The following SUFU variants were observed in gnomAD, a reference collection of about 807,000 sequenced individuals.
SUFU encodes SUFU negative regulator of hedgehog signaling.
SUFU carries 7 observed loss-of-function variants against 58.9 expected under a neutral mutation model. The observed-to-expected ratio is 0.12, with a 90% confidence interval of 0.07 to 0.22. SUFU has a LOEUF of 0.22. Among genes scored for constraint, SUFU ranks in the 10% least tolerant of loss-of-function variants. The pLI, the probability that SUFU is intolerant of heterozygous loss-of-function variation, is 1.00. For synonymous variants in SUFU, 232 were observed against 254.8 expected (o/e 0.91, Z 0.85); for missense variants, 451 against 641.3 (o/e 0.70, Z 3.20).
upstream of SUFU, among the ~76,000 whole-genome samples, chr10:102,503,262 T>A (rs1214709389): frequency 6.6e-6 from 1 of 152,232 alleles, no homozygotes; most frequent in African/African-American, 2.4e-5. Context: ...GCTTTAAGTT[T>A]AAAAACCTGT....
chr10:102,613,181 G>C (rs933031732), intron 8 of SUFU, among the ~76,000 whole-genome samples: 19 of 152,254 alleles, frequency 1.2e-4, no homozygotes, highest in African/African-American at 4.6e-4. Flanking sequence ...GAAAGAGGGA[G>C]ATTAAACAAC....
At chr10:102,604,762 G>A (rs1034319189) in intron 8 of SUFU, among the ~76,000 whole-genome samples, 18 of 151,998 alleles carry the variant, frequency 1.2e-4, no homozygotes, top group African/African-American at 3.9e-4. Context: ...TGGGGATGGC[G>A]GCCCCTGGTG....
Position 102,594,071 on chromosome 10 carries a change from T to G in SUFU, c.756+6T>G. ...AGATCGATCCACACCTGCAAGTATGTCTTGAGTGAGGAAAACCTTTCTAGC... is the reference window on the plus strand; with the variant it reads ...AGATCGATCCACACCTGCAAGTATGGCTTGAGTGAGGAAAACCTTTCTAGC... On this transcript the variant is annotated splice_donor_region_variant and intron_variant, in intron 6 of 11. Coordinates refer to ENST00000369902, the MANE Select transcript of SUFU (RefSeq NM_016169.4). 5 of 1,613,936 alleles carry G rather than the reference T, an allele frequency of 3.1e-6. No individual in the cohort carries two copies. In the South Asian group the frequency reaches 5.5e-5, roughly 18 times the overall value.
Position 102,629,372 on chromosome 10 carries a change from G to T in SUFU, c.1366-694G>T, listed in dbSNP as rs770885061. Among the ~76,000 whole-genome samples the T allele has an allele frequency of 6.6e-6, 1 of 152,226 alleles. No individual in the cohort carries two copies. Among genetic ancestry groups the T allele is most frequent in the Admixed American group, 6.5e-5 (1 of 15,290 alleles). On this transcript the variant is annotated intron_variant, in intron 11 of 11. Transcript: ENST00000369902. The surrounding 1 kb of genome is among the most constrained non-coding windows in gnomAD (Gnocchi z 4.7). ...GCAAATCAGTGTATCCTGGGATGGGGTGGGAGACATTTGGCTCTCCTTGGC... is the reference window on the plus strand; with the variant it reads ...GCAAATCAGTGTATCCTGGGATGGGTTGGGAGACATTTGGCTCTCCTTGGC...
intron 10 of SUFU, among the ~76,000 whole-genome samples, chr10:102,626,261 G>A (rs1353058132): frequency 6.6e-6 from 1 of 152,196 alleles, no homozygotes; most frequent in African/African-American, 2.4e-5. Context: ...CTGCCTAGCA[G>A]CCTGACGAGA....
At chr10:102,597,926 T>C (rs975867082) in intron 7 of SUFU, among the ~76,000 whole-genome samples, 1 of 152,234 alleles carries the variant, frequency 6.6e-6, no homozygotes, top group African/African-American at 2.4e-5. Flanking sequence ...TGGTTTTTAG[T>C]AGAGGGCGTC....
intron 3 of SUFU, among the ~76,000 whole-genome samples, chr10:102,580,027 G>GCCCC (rs1378925159): frequency 0.011 from 460 of 41,636 alleles, 3 homozygotes; most frequent in African/African-American, 0.022. Flanking sequence ...CTCCTCCCCC[G>GCCCC]CACCCCCCCC....
intron 3 of SUFU, among the ~76,000 whole-genome samples, chr10:102,564,437 G>A (rs1214913142): frequency 1.3e-5 from 2 of 151,992 alleles, no homozygotes; most frequent in Admixed American, 6.6e-5. Flanking sequence ...GGTTCATACT[G>A]TTCTCATGCC....
chr10:102,560,652 A>G (rs2063028248), intron 3 of SUFU, among the ~76,000 whole-genome samples: 1 of 152,206 alleles, frequency 6.6e-6, no homozygotes, highest in South Asian at 2.1e-4. Context: ...TTTTTAACTT[A>G]CTATCATTTG....
chr10:102,607,374 G>A (rs908196528), intron 8 of SUFU, among the ~76,000 whole-genome samples: 45 of 152,284 alleles, frequency 3.0e-4, no homozygotes, highest in African/African-American at 1.1e-3. Context: ...GATTTAATTG[G>A]TGATAAGCAC....
rs2062292973 is a variant in SUFU at position 102,504,291 on chromosome 10, G to A, written c.139G>A (p.Asp47Asn). ...IYGECRRLYP[D>N]QPNPLQVTAI... ...CGGAGAGTGCCGCCGCCTTTACCCTGACCAGCCGAACCCGCTCCAGGTTAC... is the reference window on the plus strand; with the variant it reads ...CGGAGAGTGCCGCCGCCTTTACCCTAACCAGCCGAACCCGCTCCAGGTTAC... Residue 47 changes from aspartate (D) to asparagine (N), a missense_variant, in exon 1 of 12, where the codon GAC (aspartate) becomes AAC (asparagine). Asp to Asn is a conservative substitution (Grantham distance 23, BLOSUM62 1). Transcript: ENST00000369902. The A allele has an allele frequency of 1.2e-6, 2 of 1,614,028 alleles. No individual in the cohort carries two copies. The highest frequency in any genetic ancestry group is 1.1e-5 in the South Asian group (1 of 91,086).
At chr10:102,549,890 G>A (rs1314217478) in intron 2 of SUFU, 80 bp from the exon 3 acceptor site, 7 of 1,579,460 alleles carry the variant, frequency 4.4e-6, no homozygotes, top group African/African-American at 2.7e-5. Context: ...ACCATAAAAA[G>A]GGGGAGAACT....
Position 102,632,669 on chromosome 10 carries a change from G to C in SUFU, c.*2514G>C, listed in dbSNP as rs1312586228. On this transcript the variant is annotated 3_prime_UTR_variant, in exon 12 of 12. Transcript: ENST00000369902. ...CTGAGGGAGCCCCTGACCTTGTAGT[G>C]GGTGGAGGAGGTAAGGGGCCTCCCT... 4.3e-6 allele frequency: 1 copy of C among 233,198 alleles called. No homozygotes were observed. The highest frequency in any genetic ancestry group is 5.6e-5 in the Admixed American group (1 of 17,788). The allele number at this position is 233,198 out of a possible 1,614,324, so 14.4% of individuals were successfully genotyped here.
Position 102,617,977 on chromosome 10 carries a change from G to T in SUFU, c.1296+549G>T. The T allele has an allele frequency of 5.7e-6, 1 of 175,382 alleles. No homozygotes were observed. Among genetic ancestry groups the T allele is most frequent in the Non-Finnish European group, 1.2e-5 (1 of 82,524 alleles). 10.9% of individuals were successfully genotyped at this position (175,382 alleles called of 1,614,324 possible). On this transcript the variant is annotated intron_variant, in intron 10 of 11. Transcript: ENST00000369902. This position sits in a 1 kb window ranked among gnomAD's most constrained non-coding sequence, Gnocchi z 4.4. ...TGACCAGAGACCTGCTGGCTTATCC[G>T]GAGCACTTTGTCCTTCCTTTGCTCT...
chr10:102,593,953 G>T, intron 5 of SUFU, 40 bp from the exon 6 acceptor site: 1 of 1,612,368 alleles, frequency 6.2e-7, no homozygotes, highest in South Asian at 1.1e-5. Context: ...ATCAGCCCCA[G>T]ACCCTCAGTT....
chr10:102,538,138 C>T (rs1349194426), intron 2 of SUFU, among the ~76,000 whole-genome samples: 1 of 152,164 alleles, frequency 6.6e-6, no homozygotes. Flanking sequence ...TGTAAAGTTC[C>T]TGTTCCTCTT....
At position 102,619,267 on chromosome 10, in the gene SUFU, C is replaced by T; in HGVS notation, c.1296+1839C>T. The T allele has an allele frequency of 6.9e-7, 1 of 1,457,658 alleles. No homozygotes were observed. The highest frequency in any genetic ancestry group is 2.5e-5 in the East Asian group (1 of 40,044). The allele number at this position is 1,457,658 out of a possible 1,614,324, so 90.3% of individuals were successfully genotyped here. A position where few individuals can be genotyped will look rare whatever the true frequency, so the allele number is the denominator to read the frequency against. On this transcript the variant is annotated intron_variant, in intron 10 of 11. Coordinates refer to ENST00000369902, the MANE Select transcript of SUFU (RefSeq NM_016169.4). The surrounding 1 kb of genome is among the most constrained non-coding windows in gnomAD (Gnocchi z 4.2). ...CCCCAAGCCCCTGACCCCCTAGCTG[C>T]CGGGGTTCCCACTCCCAGTGCCACA... is the stretch of plus-strand genomic sequence containing the variant.
In SUFU at chr10:102,599,316, AG is replaced by A; in HGVS notation, c.911-115del. 2.9e-5 allele frequency: 23 copies of A among 804,906 alleles called. 1 individual carries two copies. In the South Asian group the frequency reaches 3.1e-4, roughly 11 times the overall value. The allele number at this position is 804,906 out of a possible 1,614,324, so 49.9% of individuals were successfully genotyped here. Reference sequence around the variant, plus strand: ...ACATCTGGATGCGTAGAGTGGGCTCAGGACTGGCCAGCGTGGTAGTTTTTCT... The same window carrying A: ...ACATCTGGATGCGTAGAGTGGGCTCAGACTGGCCAGCGTGGTAGTTTTTCT... On this transcript the variant is annotated intron_variant, in intron 7 of 11. Transcript: ENST00000369902.
At chr10:102,524,015 T>G (rs2062579533) in intron 2 of SUFU, among the ~76,000 whole-genome samples, 1 of 152,206 alleles carries the variant, frequency 6.6e-6, no homozygotes, top group Non-Finnish European at 1.5e-5. Flanking sequence ...AAGTTCTGCC[T>G]GCAGATAGCT....
Sources: allele counts gnomAD v4.1 joint callset (sites outside exome capture counted in the v4.1 genomes callset), GRCh38; gene constraint gnomAD v4.1.1; non-coding constraint Gnocchi (gnomAD v3.1); transcripts MANE v1.5; gene names NCBI Gene and HGNC (gene_info 2026-07-23, HGNC 2026-07-21).